DLC1: variants seen among roughly 807,000 people sequenced by gnomAD.
The protein encoded by DLC1 is DLC1 Rho GTPase activating protein, also known as rho GTPase-activating protein 7.
Under a neutral mutation model 140.3 loss-of-function variants are expected in DLC1, and 54 were observed. The ratio of observed to expected loss-of-function variants is 0.38; its 90% CI spans 0.31 to 0.48. The LOEUF (loss-of-function observed/expected upper bound fraction) is 0.48. Among genes scored for constraint, DLC1 ranks in the 20% least tolerant of loss-of-function variants. The pLI is 0.96. For missense variants in DLC1, 2,536 were observed against 1,907.0 expected, an observed-to-expected ratio of 1.33 and a Z score of -6.14; for synonymous variants, 986 against 728.1, an observed-to-expected ratio of 1.35 and a Z score of -5.70.
intron 4 of DLC1, among the ~76,000 whole-genome samples, chr8:13,389,031 G>T (rs1347304572): frequency 6.6e-6 from 1 of 151,988 alleles, no homozygotes; most frequent in Non-Finnish European, 1.5e-5. Context: ...GAGCATTGAG[G>T]ATCTGGGTGC....
At position 13,133,873 on chromosome 8, in the gene DLC1, C is replaced by A. The variant is rs573365718; in HGVS notation, c.1349-18216G>T. On this transcript the variant is annotated intron_variant, in intron 5 of 17. Transcript: ENST00000276297. Reference sequence around the variant, plus strand: ...GTAAAAACGAGCGAAGGGTACCTGTCCCTTGGACATTGGTTATTTATTGCT... The same window carrying A: ...GTAAAAACGAGCGAAGGGTACCTGTACCTTGGACATTGGTTATTTATTGCT... 3.3e-5 allele frequency among the ~76,000 whole-genome samples: 5 copies of A among 152,226 alleles called. No homozygotes were observed. The East Asian group carries it at 9.7e-4, about 30-fold the overall frequency.
chr8:13,294,944 G>A lies in DLC1; in HGVS notation c.1348+10325C>T, dbSNP rs1831892250. ...TTATGTCTATAAAGTGCTTGGAAAA[G>A]TGCAGGCACAGAGTAAATTCTTGTT... On this transcript the variant is annotated intron_variant, in intron 5 of 17. Coordinates refer to ENST00000276297, the MANE Select transcript of DLC1 (RefSeq NM_182643.3). Among the ~76,000 whole-genome samples, 3 of 152,178 alleles carry A rather than the reference G, an allele frequency of 2.0e-5. No homozygotes were observed. In the South Asian group the frequency reaches 6.2e-4, roughly 32 times the overall value.
chr8:13,359,772 G>A (rs751433377), intron 4 of DLC1, among the ~76,000 whole-genome samples: 1 of 152,200 alleles, frequency 6.6e-6, no homozygotes, highest in Non-Finnish European at 1.5e-5. Flanking sequence ...ACCATACTAT[G>A]ATTTCACCAG....
intron 2 of DLC1, among the ~76,000 whole-genome samples, chr8:13,457,551 C>T (rs112218335): frequency 0.029 from 4,423 of 151,800 alleles, 88 homozygotes; most frequent in African/African-American, 0.054. Context: ...GTGATGTGTG[C>T]CTGTAGCCCG....
chr8:13,232,961 G>C (rs1829115724), intron 5 of DLC1, among the ~76,000 whole-genome samples: 1 of 152,096 alleles, frequency 6.6e-6, no homozygotes, highest in South Asian at 2.1e-4. Context: ...AATAAATAAT[G>C]AAATATTGAA....
At chr8:13,523,804 GC>G (rs1389966958) in intron 1 of DLC1, among the ~76,000 whole-genome samples, 1 of 151,994 alleles carries the variant, frequency 6.6e-6, no homozygotes, top group Non-Finnish European at 1.5e-5. Context: ...ACCGTGAGAT[GC>G]TTTTATTAGG....
At chr8:13,397,054 G>A (rs780566275) in intron 3 of DLC1, among the ~76,000 whole-genome samples, 6 of 151,582 alleles carry the variant, frequency 4.0e-5, no homozygotes, top group Non-Finnish European at 8.8e-5. Flanking sequence ...TGGGAATATA[G>A]AGCTCTCTGT....
At chr8:13,337,944 A>C (rs906171518) in intron 4 of DLC1, among the ~76,000 whole-genome samples, 7 of 152,184 alleles carry the variant, frequency 4.6e-5, no homozygotes, top group African/African-American at 1.7e-4. Context: ...CACTTCATTC[A>C]TTTATTCTTT....
At chr8:13,095,492 C>T (rs1198383780) in intron 10 of DLC1, 1 of 511,686 alleles carries the variant, frequency 2.0e-6, no homozygotes, top group East Asian at 3.4e-5. Context: ...ACATTCCTAT[C>T]ATCCAGACAG....
intron 5 of DLC1, among the ~76,000 whole-genome samples, chr8:13,148,047 T>G (rs1414008052): frequency 6.6e-6 from 1 of 152,174 alleles, no homozygotes. Flanking sequence ...ATTGTTGTAT[T>G]CTTCCTCTCT....
intron 4 of DLC1, among the ~76,000 whole-genome samples, chr8:13,367,007 C>G (rs759663665): frequency 6.6e-6 from 1 of 152,148 alleles, no homozygotes; most frequent in African/African-American, 2.4e-5. Context: ...CTCCCAACCA[C>G]GAACTTTGCC....
At chr8:13,283,392 G>C (rs796884784) in intron 5 of DLC1, among the ~76,000 whole-genome samples, 9 of 152,226 alleles carry the variant, frequency 5.9e-5, no homozygotes, top group African/African-American at 2.2e-4. Context: ...TAATCTCTGA[G>C]AGAAGGTTTT....
chr8:13,520,955 T>C (rs1430231667), intron 1 of DLC1, among the ~76,000 whole-genome samples: 2 of 152,166 alleles, frequency 1.3e-5, no homozygotes, highest in African/African-American at 4.8e-5. Flanking sequence ...AAAGGGTCCA[T>C]ATATCTTTAG....
intron 4 of DLC1, among the ~76,000 whole-genome samples, chr8:13,377,946 T>A (rs1563297458): frequency 1.3e-5 from 2 of 151,458 alleles, no homozygotes; most frequent in Admixed American, 1.3e-4. Flanking sequence ...ACTACTACAC[T>A]TAACATGTTT....
intron 5 of DLC1, among the ~76,000 whole-genome samples, chr8:13,301,192 T>C (rs1832177365): frequency 6.6e-6 from 1 of 151,794 alleles, no homozygotes; most frequent in Non-Finnish European, 1.5e-5. Context: ...AAATGTTACC[T>C]GTTTCCAAGA....
intron 5 of DLC1, among the ~76,000 whole-genome samples, chr8:13,202,906 C>T (rs1158535713): frequency 6.6e-6 from 1 of 151,948 alleles, no homozygotes; most frequent in Non-Finnish European, 1.5e-5. Context: ...ACTCCTGGGC[C>T]CAAGTAATCC....
chr8:13,285,640 C>A (rs764676274), intron 5 of DLC1, among the ~76,000 whole-genome samples: 3 of 152,070 alleles, frequency 2.0e-5, no homozygotes, highest in Non-Finnish European at 4.4e-5. Flanking sequence ...ATTAAAAAGA[C>A]TGACCATACT....
At chr8:13,526,665 C>G (rs765138290) in intron 1 of DLC1, among the ~76,000 whole-genome samples, 1 of 151,960 alleles carries the variant, frequency 6.6e-6, no homozygotes, top group Non-Finnish European at 1.5e-5. Context: ...AGCAAACTAT[C>G]GCAAGGACAG....
intron 4 of DLC1, chr8:13,341,485 G>A (rs943872592): frequency 6.6e-6 from 1 of 152,166 alleles, no homozygotes; most frequent in Non-Finnish European, 1.5e-5. Context: ...GCAGGGCCTG[G>A]GAATTTTTAA....
Sources: allele counts gnomAD v4.1 joint callset (sites outside exome capture counted in the v4.1 genomes callset), GRCh38; gene constraint gnomAD v4.1.1; transcripts MANE v1.5; gene names NCBI Gene and HGNC (gene_info 2026-07-23, HGNC 2026-07-21).